Variants in SVEP1 observed in about 807,000 individuals in gnomAD.
The protein encoded by SVEP1 is sushi, von Willebrand factor type A, EGF and pentraxin domain containing 1, also known as sushi, von Willebrand factor type A, EGF and pentraxin domain-containing protein 1.
A neutral mutation model predicts 367.3 loss-of-function variants in SVEP1; 164 were observed. The observed-to-expected ratio is 0.45, with a 90% CI of 0.39 to 0.51. SVEP1 has a LOEUF of 0.51. SVEP1 is among the 20% of genes least tolerant of loss of function. The pLI, the probability that SVEP1 is intolerant of heterozygous loss-of-function variation, is 0.00. For synonymous variants in SVEP1, 1,666 were observed against 1,611.6 expected, an observed-to-expected ratio of 1.03 and a Z score of -0.81; for missense variants, 4,117 against 4,425.3, an observed-to-expected ratio of 0.93 and a Z score of 1.98.
chr9:110,543,003 A>T (rs944767962), intron 3 of SVEP1, among the ~76,000 whole-genome samples: 1 of 149,044 alleles, frequency 6.7e-6, no homozygotes, highest in Non-Finnish European at 1.5e-5. Context: ...AAATAAAAAA[A>T]ATAAAGGGGC....
intron 18 of SVEP1, among the ~76,000 whole-genome samples, chr9:110,459,545 C>T (rs1262077154): frequency 6.6e-6 from 1 of 152,074 alleles, no homozygotes; most frequent in East Asian, 1.9e-4. Context: ...AAATTTTTTG[C>T]ATAAATCTTT....
chr9:110,549,904 G>A lies in SVEP1; in HGVS notation c.732C>T (p.Tyr244=), dbSNP rs1177762122. 1.2e-6 allele frequency: 2 copies of A among 1,613,910 alleles called. No individual in the cohort carries two copies. Among genetic ancestry groups the A allele is most frequent in the Non-Finnish European group, 8.5e-7 (1 of 1,179,856 alleles). The change falls in exon 2 of 48, where the codon TAC becomes TAT. Residue 244 remains tyrosine, a synonymous_variant. Transcript: ENST00000374469. ...MASTPKEEHC[Y]LLHSFEEFEA... ...CAAATTCTTCAAAACTGTGTAGCAG[G>A]TAACAGTGCTCCTCCTTTGGGGTGG... is the stretch of plus-strand genomic sequence containing the variant.
Position 110,427,615 on chromosome 9 carries a change from G to A in SVEP1, c.5951C>T (p.Thr1984Ile). 1 of 1,613,722 alleles carries A rather than the reference G, an allele frequency of 6.2e-7. No homozygotes were observed. The highest frequency in any genetic ancestry group is 8.5e-7 in the Non-Finnish European group (1 of 1,179,752). ...ITGNNFTFRN[T>I]VTYTCKEGYT... ...CCCTTCTTTGCAAGTGTAAGTGACG[G>A]TGTTCCTGAAAGTGAAGTTATTCCC... The change falls in exon 36 of 48, where the codon ACC (threonine) becomes ATC (isoleucine). Residue 1984 changes from threonine to isoleucine, a missense_variant. Thr to Ile is a moderately conservative substitution (Grantham distance 89). Transcript: ENST00000374469.
At chr9:110,402,123 CT>C (rs1284136566) in intron 39 of SVEP1, among the ~76,000 whole-genome samples, 1 of 151,904 alleles carries the variant, frequency 6.6e-6, no homozygotes, top group African/African-American at 2.4e-5. Context: ...TTTTCTTTTG[CT>C]ATATGTGAAA....
At chr9:110,434,155 C>G (rs1458004162) in intron 30 of SVEP1, among the ~76,000 whole-genome samples, 181 bp downstream of exon 30, 1 of 152,150 alleles carries the variant, frequency 6.6e-6, no homozygotes, top group African/African-American at 2.4e-5. Context: ...CCCTCTGGAT[C>G]CTAATCACCC....
rs184829095 is a variant in SVEP1, at chr9:110,425,431, C to T, written c.5975+2160G>A. Among the ~76,000 whole-genome samples the T allele has an allele frequency of 2.6e-4, 39 of 152,288 alleles. No homozygotes were observed. The South Asian group carries it at 2.9e-3, about 11-fold the overall frequency. On this transcript the variant is annotated intron_variant, in intron 36 of 47. Coordinates refer to ENST00000374469, the MANE Select transcript of SVEP1 (RefSeq NM_153366.4). ...ATGGGCAGATCTGATTCAATCTTTT[C>T]AATGACAGAAAAAGTTTCCACAGAC... is the stretch of plus-strand genomic sequence containing the variant.
chr9:110,568,885 A>G (rs1197407238), intron 1 of SVEP1, among the ~76,000 whole-genome samples: 1 of 152,166 alleles, frequency 6.6e-6, no homozygotes, highest in African/African-American at 2.4e-5. Flanking sequence ...GGATCGCTTG[A>G]GCCCAGGAGT....
chr9:110,371,082 G>A (rs1159076900), intron 46 of SVEP1, among the ~76,000 whole-genome samples: 1 of 152,170 alleles, frequency 6.6e-6, no homozygotes, highest in Non-Finnish European at 1.5e-5. Flanking sequence ...AGTAAAATAC[G>A]TCTTTCCCCT....
Position 110,499,133 on chromosome 9 carries a change from C to A in SVEP1, c.1589G>T (p.Arg530Leu), listed in dbSNP as rs548514380. 90 of 1,613,584 alleles carry A rather than the reference C, an allele frequency of 5.6e-5. No individual in the cohort carries two copies. The highest frequency in any genetic ancestry group is 7.4e-5 in the Non-Finnish European group (87 of 1,179,786). The change falls in exon 7 of 48, where the codon CGC becomes CTC. Residue 530 changes from arginine (R) to leucine (L), a missense_variant. Arg to Leu is a moderately radical substitution (Grantham distance 102, BLOSUM62 -2). Around this residue, in one of 4 missense-constraint regions of SVEP1, gnomAD observed 2,174 missense variants for 2,494.3 expected, o/e 0.87. Transcript: ENST00000374469. The part of the protein sequence containing the change: ...KFGTICYVSC[R>L]QGFILSGVKE... ...GACTCCAGATAAAATGAACCCTTGG[C>A]GGCAACTTACATAGCAGATCGTCCC...
intron 45 of SVEP1, chr9:110,377,044 C>T (rs956774303): frequency 1.5e-5 from 6 of 392,286 alleles, no homozygotes; most frequent in African/African-American, 8.0e-5. Context: ...TGCCAGGGAA[C>T]ATGTGAAAAT....
intron 3 of SVEP1, among the ~76,000 whole-genome samples, chr9:110,539,244 G>A (rs1306127480): frequency 6.6e-6 from 1 of 152,086 alleles, no homozygotes; most frequent in African/African-American, 2.4e-5. Flanking sequence ...ATAGTTAGGT[G>A]TGATGGGAAA....
intron 40 of SVEP1, among the ~76,000 whole-genome samples, chr9:110,390,118 C>A (rs1200673846): frequency 1.0e-5 from 1 of 95,968 alleles, no homozygotes; most frequent in Non-Finnish European, 2.2e-5. Flanking sequence ...AGTATATATA[C>A]ATACATACTT....
intron 40 of SVEP1, among the ~76,000 whole-genome samples, chr9:110,390,971 G>A (rs988903267): frequency 6.6e-6 from 1 of 152,014 alleles, no homozygotes; most frequent in Non-Finnish European, 1.5e-5. Flanking sequence ...TTATTTTGAA[G>A]CAAATTCTAG....
chr9:110,491,295 C>T (rs1166078550), intron 8 of SVEP1, among the ~76,000 whole-genome samples: 2 of 151,666 alleles, frequency 1.3e-5, no homozygotes, highest in African/African-American at 2.4e-5. Context: ...AATATATTAA[C>T]AGTACTTTTG....
At chr9:110,380,512 TA>T (rs1355530272) in intron 43 of SVEP1, among the ~76,000 whole-genome samples, 1 of 152,240 alleles carries the variant, frequency 6.6e-6, no homozygotes, top group African/African-American at 2.4e-5. Context: ...TTGCATATGT[TA>T]AACCAGCCTT....
intron 24 of SVEP1, among the ~76,000 whole-genome samples, chr9:110,448,374 C>T (rs78543081): frequency 0.034 from 5,221 of 152,204 alleles, 85 homozygotes; most frequent in Middle Eastern, 0.058. Context: ...CCAATAAATG[C>T]GAGTTAATGT....
At chr9:110,568,860 G>C (rs1830522093) in intron 1 of SVEP1, among the ~76,000 whole-genome samples, 1 of 152,228 alleles carries the variant, frequency 6.6e-6, no homozygotes, top group Non-Finnish European at 1.5e-5. Flanking sequence ...AGCACTTTGG[G>C]AGGCCGAGGT....
intron 46 of SVEP1, among the ~76,000 whole-genome samples, chr9:110,373,758 T>TAA (rs10714632): frequency 2.0e-4 from 30 of 150,618 alleles, no homozygotes; most frequent in African/African-American, 5.9e-4. Flanking sequence ...ATAAAGATGA[T>TAA]AAAAAAAAAA....
intron 3 of SVEP1, among the ~76,000 whole-genome samples, chr9:110,521,931 C>T (rs1248959209): frequency 1.3e-5 from 2 of 152,148 alleles, no homozygotes; most frequent in Non-Finnish European, 2.9e-5. Context: ...TAATTTTTTA[C>T]AAACTTGAAC....
Sources: allele counts gnomAD v4.1 joint callset (sites outside exome capture counted in the v4.1 genomes callset), GRCh38; gene constraint gnomAD v4.1.1; regional missense constraint gnomAD v4.1.1; transcripts MANE v1.5; gene names NCBI Gene and HGNC (gene_info 2026-07-23, HGNC 2026-07-21).